AK4: variants seen among roughly 807,000 people sequenced by gnomAD.
The protein encoded by AK4 is adenylate kinase 4, mitochondrial.
AK4 carries 13 observed loss-of-function variants against 24.6 expected under a neutral mutation model. The ratio of observed to expected loss-of-function variants is 0.53; its 90% CI spans 0.34 to 0.84. The LOEUF is 0.84. Ranked by LOEUF, AK4 falls within the 40% of genes least tolerant of loss-of-function variation. AK4 has a pLI of 0.01. For synonymous variants in AK4, 88 were observed against 107.0 expected (o/e 0.82, Z 1.10); for missense variants, 192 against 288.2 (o/e 0.67, Z 2.42).
chr1:65,152,384 ATTTTTTTTTTTTTT>A (rs552572978), intron 1 of AK4, among the ~76,000 whole-genome samples: 44 of 16,440 alleles, frequency 2.7e-3, no homozygotes, highest in African/African-American at 4.1e-3. Context: ...ATATATATAT[ATTTTTTTTTTTTTT>A]TTTTTTTTTT....
chr1:65,164,450 A>G (rs893867917), intron 1 of AK4, among the ~76,000 whole-genome samples: 4 of 152,082 alleles, frequency 2.6e-5, no homozygotes, highest in African/African-American at 9.7e-5. Flanking sequence ...TTTCAATTTT[A>G]GCTACCCTAT....
In AK4 at chr1:65,148,496, G is replaced by T; in HGVS notation, c.89G>T (p.Gly30Val). The change falls in exon 1 of 5, where the codon GGT becomes GTT. Residue 30 changes from glycine to valine, a missense_variant. By Grantham distance (109) the Gly-to-Val change is moderately radical. Transcript: ENST00000327299. ...TGCCAGAGGATCGCCCAGAACTTTGGTCTCCAGCATCTCTCCAGCGGCCAC... is the reference window on the plus strand; with the variant it reads ...TGCCAGAGGATCGCCCAGAACTTTGTTCTCCAGCATCTCTCCAGCGGCCAC... ...TVCQRIAQNF[G>V]LQHLSSGHFL... is the part of the protein sequence containing the mutation. The T allele has an allele frequency of 1.3e-6, 2 of 1,588,336 alleles. No homozygotes were observed.
chr1:65,204,406 G>A (rs977559385), intron 2 of AK4, among the ~76,000 whole-genome samples: 3 of 151,796 alleles, frequency 2.0e-5, no homozygotes, highest in Non-Finnish European at 4.4e-5. Flanking sequence ...TCACCATATT[G>A]GGCAGGCTGG....
At chr1:65,178,551 T>C (rs1291279487) in intron 1 of AK4, among the ~76,000 whole-genome samples, 1 of 152,152 alleles carries the variant, frequency 6.6e-6, no homozygotes, top group Non-Finnish European at 1.5e-5. Flanking sequence ...TGCTGGTAGA[T>C]TACAGAAGGG....
chr1:65,189,678 C>CCT (rs1553124616), intron 1 of AK4, among the ~76,000 whole-genome samples: 1 of 137,808 alleles, frequency 7.3e-6, no homozygotes, highest in African/African-American at 3.0e-5. Context: ...CACACACACA[C>CCT]CCCACACATT....
At position 65,148,314 on chromosome 1, in the gene AK4, C is replaced by T. The variant is rs1250272120; in HGVS notation, c.-94C>T. 6.9e-7 allele frequency: 1 copy of T among 1,456,022 alleles called. No homozygotes were observed. The highest frequency in any genetic ancestry group is 9.1e-7 in the Non-Finnish European group (1 of 1,102,972). The allele number at this position is 1,456,022 out of a possible 1,614,324, so 90.2% of individuals were successfully genotyped here. On this transcript the variant is annotated 5_prime_UTR_variant, in exon 1 of 5. Transcript: ENST00000327299. The stretch of plus-strand genomic sequence containing the variant: ...GAGTCCCAGTGAGAGCGGAGGGTGC[C>T]AGAGGTAGGGGGCCGAGAAACAAAG...
intron 2 of AK4, among the ~76,000 whole-genome samples, chr1:65,191,797 A>C (rs1200866782): frequency 3.9e-5 from 6 of 152,178 alleles, no homozygotes; most frequent in Admixed American, 3.9e-4. Flanking sequence ...AGGAGAGATT[A>C]GGTGCTGGGG....
intron 3 of AK4, among the ~76,000 whole-genome samples, chr1:65,223,772 A>G (rs1652368108): frequency 6.6e-6 from 1 of 152,086 alleles, no homozygotes; most frequent in Non-Finnish European, 1.5e-5. Context: ...AGGCAGGTGG[A>G]TCACCTCAGG....
At chr1:65,202,867 T>TTTTC (rs1491513848) in intron 2 of AK4, among the ~76,000 whole-genome samples, 1 of 4,548 alleles carries the variant, frequency 2.2e-4, no homozygotes, top group East Asian at 0.013. Flanking sequence ...CTGTGTAGTC[T>TTTTC]TTTTTTTTTT....
chr1:65,198,948 A>G (rs977719740), intron 2 of AK4, among the ~76,000 whole-genome samples: 1 of 151,836 alleles, frequency 6.6e-6, no homozygotes, highest in African/African-American at 2.4e-5. Context: ...ATGGTGGTGC[A>G]TGCCTGTCTA....
Position 65,225,712 on chromosome 1 carries a change from C to A in AK4, c.558-351C>A, listed in dbSNP as rs549584899. On this transcript the variant is annotated intron_variant, in intron 4 of 4. Transcript: ENST00000327299. ...ATTATGATACATCAATTATGTATTC[C>A]ATGATTGACTAAGTAATATAGGTTT... Among the ~76,000 whole-genome samples the A allele has an allele frequency of 3.3e-5, 5 of 152,158 alleles. No individual in the cohort carries two copies. The South Asian group carries it at 1.0e-3, about 32-fold the overall frequency.
intron 1 of AK4, among the ~76,000 whole-genome samples, chr1:65,184,859 G>A (rs1651043038): frequency 6.6e-6 from 1 of 152,190 alleles, no homozygotes; most frequent in African/African-American, 2.4e-5. Flanking sequence ...TCATGGTAGA[G>A]ATTGAGATAT....
rs186939792 is a variant in AK4 at position 65,196,336 on chromosome 1, C to T, written c.265+5507C>T. Among the ~76,000 whole-genome samples, 313 of 152,052 alleles carry T rather than the reference C, an allele frequency of 2.1e-3. 1 individual carries two copies. Among genetic ancestry groups the T allele is most frequent in the Non-Finnish European group, 3.6e-3 (247 of 67,980 alleles). On this transcript the variant is annotated intron_variant, in intron 2 of 4. Transcript: ENST00000327299. ...GAGTGGATCCAAGCCAAGGGAACCCCAAGTGGGGATGTGGGGAGGGGAGGG... is the reference window on the plus strand; with the variant it reads ...GAGTGGATCCAAGCCAAGGGAACCCTAAGTGGGGATGTGGGGAGGGGAGGG...
At chr1:65,175,824 C>A (rs924321938) in intron 1 of AK4, among the ~76,000 whole-genome samples, 1 of 152,186 alleles carries the variant, frequency 6.6e-6, no homozygotes, top group Non-Finnish European at 1.5e-5. Flanking sequence ...TTTCAGATTA[C>A]TTGCCGTTTT....
chr1:65,158,271 A>G (rs1441258972), intron 1 of AK4, among the ~76,000 whole-genome samples: 3 of 152,218 alleles, frequency 2.0e-5, no homozygotes, highest in Non-Finnish European at 4.4e-5. Context: ...GCTGTTAACT[A>G]TAAATTCACC....
intron 1 of AK4, among the ~76,000 whole-genome samples, chr1:65,152,360 C>CTCTCTCTATATATATATATA (rs1277948363): frequency 3.6e-5 from 1 of 27,940 alleles, no homozygotes. Flanking sequence ...CTCTCTCTCT[C>CTCTCTCTATATATATATATA]TATATATATA....
chr1:65,212,814 GC>G (rs1270662423), intron 2 of AK4, among the ~76,000 whole-genome samples: 1 of 152,220 alleles, frequency 6.6e-6, no homozygotes, highest in Non-Finnish European at 1.5e-5. Context: ...TATGCATTGT[GC>G]TGTTGGCTTT....
intron 1 of AK4, among the ~76,000 whole-genome samples, chr1:65,179,091 T>C (rs778013492): frequency 2.6e-5 from 4 of 151,858 alleles, no homozygotes; most frequent in Non-Finnish European, 5.9e-5. Flanking sequence ...GGTGAGGAGA[T>C]ATGGAATTAA....
At chr1:65,217,717 C>A (rs189566571) in intron 2 of AK4, among the ~76,000 whole-genome samples, 11 of 152,214 alleles carry the variant, frequency 7.2e-5, no homozygotes, top group Admixed American at 7.2e-4. Flanking sequence ...ATACTTAAAT[C>A]AGAAAAGGAA....
Sources: allele counts gnomAD v4.1 joint callset (sites outside exome capture counted in the v4.1 genomes callset), GRCh38; gene constraint gnomAD v4.1.1; transcripts MANE v1.5; gene names NCBI Gene and HGNC (gene_info 2026-07-23, HGNC 2026-07-21).